The following KLHDC4 variants were observed in gnomAD, a reference collection of about 807,000 sequenced individuals.
KLHDC4 encodes the protein kelch domain-containing protein 4.
In KLHDC4, 90 loss-of-function variants were observed where a neutral mutation model predicts 62.4. The observed-to-expected ratio is 1.44, with a 90% CI of 1.22 to 1.72. KLHDC4 has a LOEUF of 1.72. KLHDC4 is among the 40% of genes most tolerant of loss of function. KLHDC4 has a pLI of 0.00. For synonymous variants in KLHDC4, 386 were observed against 284.4 expected (o/e 1.36, Z -3.59); for missense variants, 1,025 against 699.7 (o/e 1.47, Z -5.25).
Position 87,753,567 on chromosome 16 carries a change from AGGTG to A in KLHDC4, c.369+1623_369+1626del, listed in dbSNP as rs2044362043. Among the ~76,000 whole-genome samples, 3 of 152,228 alleles carry A rather than the reference AGGTG, an allele frequency of 2.0e-5. No homozygotes were observed. In the South Asian group the frequency reaches 6.2e-4, roughly 32 times the overall value. Reference sequence around the variant, plus strand: ...GTAATCTCAGCACTTTGGGAGGCCGAGGTGGGTGGATCACTTGAGGTCAGGAGTT... The same window carrying A: ...GTAATCTCAGCACTTTGGGAGGCCGAGGTGGATCACTTGAGGTCAGGAGTT... On this transcript the variant is annotated intron_variant, in intron 4 of 11. Transcript: ENST00000270583.
intron 1 of KLHDC4, chr16:87,765,418 G>A (rs533131156): frequency 5.7e-5 from 28 of 488,900 alleles, no homozygotes; most frequent in African/African-American, 5.0e-4. Flanking sequence ...GCAGCCCCCG[G>A]CTCAACCTCA....
chr16:87,711,174 G>A (rs2035737361), intron 9 of KLHDC4, 61 bp downstream of exon 9: 5 of 1,567,950 alleles, frequency 3.2e-6, no homozygotes, highest in African/African-American at 1.4e-5. Context: ...GAAGGCAGTG[G>A]TGGCAGGGAC....
At chr16:87,757,445 C>G (rs1048540438) in intron 2 of KLHDC4, 19 of 140,354 alleles carry the variant, frequency 1.4e-4, no homozygotes, top group African/African-American at 5.1e-4. Flanking sequence ...TCCAGCCTGG[C>G]GACAGAGCAA....
At chr16:87,749,337 C>A (rs117052222) in intron 4 of KLHDC4, among the ~76,000 whole-genome samples, 1 of 151,900 alleles carries the variant, frequency 6.6e-6, no homozygotes, top group Non-Finnish European at 1.5e-5. Flanking sequence ...GGACAGATCA[C>A]GAGATCAAGA....
chr16:87,730,712 A>G, intron 5 of KLHDC4, 68 bp from the exon 6 acceptor site: 3 of 1,372,548 alleles, frequency 2.2e-6, no homozygotes, highest in Non-Finnish European at 3.1e-6. Flanking sequence ...AGACGACAAC[A>G]ACAAACAAAA....
At position 87,738,618 on chromosome 16, in the gene KLHDC4, T is replaced by A. The variant is rs552071077; in HGVS notation, c.507-7974A>T. Among the ~76,000 whole-genome samples, 696 of 129,564 alleles carry A rather than the reference T, an allele frequency of 5.4e-3. 15 individuals are homozygous for A. The highest frequency in any genetic ancestry group is 0.011 in the South Asian group (37 of 3,288). The allele number at this position is 129,564 out of a possible 152,430, so 85.0% of individuals were successfully genotyped here. On this transcript the variant is annotated intron_variant, in intron 5 of 11. Transcript: ENST00000270583. Reference sequence around the variant, plus strand: ...CCTCATCCATCCACACAGCACCTCATCCATCCACACACCAGCATCTCATCC... The same window carrying A: ...CCTCATCCATCCACACAGCACCTCAACCATCCACACACCAGCATCTCATCC...
At chr16:87,736,287 G>A (rs188054445) in intron 5 of KLHDC4, among the ~76,000 whole-genome samples, 52 of 152,280 alleles carry the variant, frequency 3.4e-4, no homozygotes, top group African/African-American at 1.3e-3. Context: ...ACACAGAAGG[G>A]AAGTAAAAAC....
intron 5 of KLHDC4, among the ~76,000 whole-genome samples, chr16:87,748,382 A>G (rs2043362264): frequency 6.6e-6 from 1 of 152,220 alleles, no homozygotes; most frequent in African/African-American, 2.4e-5. Context: ...TGTAAACAGA[A>G]GACCACAGGA....
chr16:87,747,308 C>G (rs1401539332), intron 5 of KLHDC4, among the ~76,000 whole-genome samples: 5 of 152,122 alleles, frequency 3.3e-5, no homozygotes, highest in African/African-American at 2.4e-5. Flanking sequence ...CCAAAGCTGA[C>G]AAAATGCTAT....
chr16:87,714,385 CGGGCAGGGTGCAGGGGCT>C, intron 8 of KLHDC4, 95 bp downstream of exon 8: 1 of 1,426,638 alleles, frequency 7.0e-7, no homozygotes, highest in Non-Finnish European at 9.2e-7. Flanking sequence ...CCCTCCGCTC[CGGGCAGGGTGCAGGGGCT>C]CACCGCCAGC....
At chr16:87,748,008 G>T (rs1168824744) in intron 5 of KLHDC4, among the ~76,000 whole-genome samples, 1 of 152,146 alleles carries the variant, frequency 6.6e-6, no homozygotes, top group Admixed American at 6.6e-5. Context: ...ACACATAGAA[G>T]GACACTAACA....
intron 9 of KLHDC4, 192 bp from the exon 10 acceptor site, chr16:87,709,859 A>G (rs2035431410): frequency 1.5e-6 from 1 of 654,858 alleles, no homozygotes; most frequent in Admixed American, 3.0e-5. Flanking sequence ...CCTGTCTCCC[A>G]CTAGCCTCGC....
At chr16:87,743,074 A>C (rs1432073787) in intron 5 of KLHDC4, 1 of 152,300 alleles carries the variant, frequency 6.6e-6, no homozygotes, top group Non-Finnish European at 1.5e-5. Flanking sequence ...ATCAGACATG[A>C]GGTCAAAGAC....
At chr16:87,744,845 G>A (rs8048363) in intron 5 of KLHDC4, among the ~76,000 whole-genome samples, 28,533 of 151,366 alleles carry the variant, frequency 0.19, 2,807 homozygotes, top group South Asian at 0.32. Context: ...AGATCACTGC[G>A]TCAGCACACA....
At chr16:87,745,344 G>A (rs371777046) in intron 5 of KLHDC4, among the ~76,000 whole-genome samples, 34 of 151,990 alleles carry the variant, frequency 2.2e-4, no homozygotes, top group African/African-American at 7.5e-4. Flanking sequence ...ACCCAGCACT[G>A]CTCTCGCAGC....
intron 5 of KLHDC4, among the ~76,000 whole-genome samples, chr16:87,740,192 A>C (rs1395724326): frequency 2.0e-5 from 3 of 152,140 alleles, no homozygotes; most frequent in Non-Finnish European, 4.4e-5. Flanking sequence ...AGACCTAACC[A>C]AACTCTGAAT....
intron 5 of KLHDC4, among the ~76,000 whole-genome samples, chr16:87,736,954 G>A (rs979283533): frequency 1.3e-5 from 2 of 151,470 alleles, no homozygotes; most frequent in African/African-American, 4.9e-5. Context: ...GTAAAACCCT[G>A]CCTCTTATTA....
chr16:87,756,061 A>T (rs1170247002), intron 3 of KLHDC4: 1 of 200,052 alleles, frequency 5.0e-6, no homozygotes, highest in Non-Finnish European at 1.0e-5. Flanking sequence ...TCCGTGTTTA[A>T]GACAACCTGA....
intron 5 of KLHDC4, 75 bp downstream of exon 5, chr16:87,748,598 C>T: frequency 6.3e-7 from 1 of 1,579,900 alleles, no homozygotes; most frequent in Non-Finnish European, 8.6e-7. Flanking sequence ...CTGAGGTCTG[C>T]TCCGAGCACT....
Sources: gnomAD v4.1 joint callset for allele counts (sites outside exome capture counted in the v4.1 genomes callset) on GRCh38, gnomAD v4.1.1 for gene constraint, MANE v1.5 for transcripts, NCBI Gene and HGNC (gene_info 2026-07-23, HGNC 2026-07-21) for gene names.